The following ZNF723 variants were observed in gnomAD, a reference collection of about 807,000 sequenced individuals.
ZNF723 encodes zinc finger protein 723, pseudogene.
Under a neutral mutation model 9.4 loss-of-function variants are expected in ZNF723, and 5 were observed. That is an observed-to-expected ratio of 0.53 (90% confidence interval 0.28 to 1.12). The LOEUF is 1.12. Ranked by LOEUF, ZNF723 falls within the 50% of genes most tolerant of loss-of-function variation. The pLI is 0.10. For missense variants in ZNF723, 450 were observed against 501.5 expected (o/e 0.90, Z 0.98); for synonymous variants, 158 against 168.8 (o/e 0.94, Z 0.49).
the ZNF723 span, among the ~76,000 whole-genome samples, chr19:22,814,626 C>A: frequency 1.3e-5 from 2 of 152,162 alleles, no homozygotes; most frequent in African/African-American, 2.4e-5. Context: ...TAATTAGACA[C>A]AACATACAGC....
At chr19:22,845,889 C>CTTTT (rs1214348571) in intron 1 of ZNF723, among the ~76,000 whole-genome samples, 32 of 124,392 alleles carry the variant, frequency 2.6e-4, no homozygotes, top group African/African-American at 9.6e-4. Context: ...AAAAATATGC[C>CTTTT]TTTTTTTTTT....
the ZNF723 span, among the ~76,000 whole-genome samples, chr19:22,817,536 A>G: frequency 6.6e-6 from 1 of 152,074 alleles, no homozygotes; most frequent in Admixed American, 6.5e-5. Context: ...GAGCACTGTG[A>G]CATATTGCTG....
the ZNF723 span, among the ~76,000 whole-genome samples, chr19:22,816,537 G>T: frequency 2.0e-5 from 3 of 152,174 alleles, no homozygotes; most frequent in African/African-American, 7.2e-5. Flanking sequence ...AAACCAAGAA[G>T]TGCAGGATTG....
At chr19:22,815,153 C>T in the ZNF723 span, among the ~76,000 whole-genome samples, 22 of 151,970 alleles carry the variant, frequency 1.4e-4, no homozygotes, top group Non-Finnish European at 3.1e-4. Flanking sequence ...CTAGGTTATG[C>T]TACTTTTCTG....
At chr19:22,849,858 G>A (rs1277624369) in intron 3 of ZNF723, among the ~76,000 whole-genome samples, 3 of 152,036 alleles carry the variant, frequency 2.0e-5, no homozygotes, top group Admixed American at 6.6e-5. Flanking sequence ...CCTTAATTCT[G>A]ATGTCGTGCC....
intron 1 of ZNF723, chr19:22,840,854 C>T (rs1188274024): frequency 6.6e-6 from 1 of 152,198 alleles, no homozygotes; most frequent in African/African-American, 2.4e-5. Flanking sequence ...AACACTGCTC[C>T]CATTCCCATT....
chr19:22,840,351 A>T (rs533334049), intron 1 of ZNF723: 8 of 132,072 alleles, frequency 6.1e-5, no homozygotes, highest in African/African-American at 2.3e-4. Context: ...TTGTATTTTT[A>T]GTATAGGCAG....
At chr19:22,834,636 T>G (rs1322838835) in intron 1 of ZNF723, among the ~76,000 whole-genome samples, 1 of 152,086 alleles carries the variant, frequency 6.6e-6, no homozygotes, top group African/African-American at 2.4e-5. Context: ...AGGGAGGAAG[T>G]TGATGCCCTG....
rs1599482823 is a variant in ZNF723 at position 22,857,962 on chromosome 19, T to C, written c.1071T>C (p.Thr357=). ...CATTCAGCCAGTCCTCACACATTACTACACATAAGAGAATTCACACTGGAG... is the reference window on the plus strand; with the variant it reads ...CATTCAGCCAGTCCTCACACATTACCACACATAAGAGAATTCACACTGGAG... ...GKAFSQSSHI[T]THKRIHTGEK... is the part of the protein sequence containing the mutation. Residue 357 remains threonine (T), a synonymous_variant, in exon 4 of 4, where the codon ACT becomes ACC. Transcript: ENST00000600766. 19 of 1,528,924 alleles carry C rather than the reference T, an allele frequency of 1.2e-5. No individual in the cohort carries two copies. The East Asian group carries it at 4.3e-4, about 34-fold the overall frequency. The allele number at this position is 1,528,924 out of a possible 1,614,324, so 94.7% of individuals were successfully genotyped here.
upstream of ZNF723, among the ~76,000 whole-genome samples, chr19:22,828,310 T>C (rs532518477): frequency 6.6e-5 from 10 of 152,248 alleles, no homozygotes; most frequent in Admixed American, 3.9e-4. Context: ...GCCTAGAGTT[T>C]TGGTCACACT....
At chr19:22,829,943 T>C (rs1361789150), upstream of ZNF723, among the ~76,000 whole-genome samples, 1 of 152,222 alleles carries the variant, frequency 6.6e-6, no homozygotes, top group Non-Finnish European at 1.5e-5. Context: ...CATGTAGCTA[T>C]GCTGGAGTAT....
At chr19:22,855,322 G>A (rs755864785) in intron 3 of ZNF723, among the ~76,000 whole-genome samples, 2 of 149,656 alleles carry the variant, frequency 1.3e-5, no homozygotes, top group African/African-American at 2.5e-5. Context: ...TCCACCTCCC[G>A]GGTTCAAGTG....
rs34691832 is a variant in ZNF723 at position 22,839,466 on chromosome 19, GTTTT to G, written c.3+7099_3+7102del. On this transcript the variant is annotated intron_variant, in intron 1 of 3. Coordinates refer to ENST00000600766, the MANE Select transcript of ZNF723 (RefSeq NM_001349726.2). ...AACCTTGCCAGCATGTTTTTTTTTG[GTTTT>G]TTTTTTTTTTTTTTGAGACAGAGTC... is the stretch of plus-strand genomic sequence containing the variant. Among the ~76,000 whole-genome samples, 5 of 124,532 alleles carry G rather than the reference GTTTT, an allele frequency of 4.0e-5. No individual in the cohort carries two copies. The East Asian group carries it at 6.9e-4, about 17-fold the overall frequency. The allele number at this position is 124,532 out of a possible 152,430, so 81.7% of individuals were successfully genotyped here. A position where few individuals can be genotyped will look rare whatever the true frequency, so the allele number is the denominator to read the frequency against.
intron 1 of ZNF723, among the ~76,000 whole-genome samples, chr19:22,842,680 T>C (rs1387522761): frequency 6.6e-6 from 1 of 152,208 alleles, no homozygotes; most frequent in Non-Finnish European, 1.5e-5. Flanking sequence ...TCTTTCAGAA[T>C]GTGCTAAAGC....
Position 22,857,837 on chromosome 19 carries a change from G to T in ZNF723, c.946G>T (p.Glu316Ter). 1 of 1,399,484 alleles carries T rather than the reference G, an allele frequency of 7.1e-7. No individual in the cohort carries two copies. The highest frequency in any genetic ancestry group is 2.3e-5 in the East Asian group (1 of 43,778). 86.7% of individuals were successfully genotyped at this position (1,399,484 alleles called of 1,614,324 possible). A position where few individuals can be genotyped will look rare whatever the true frequency, so the allele number is the denominator to read the frequency against. Residue 316 changes from glutamate (E) to a stop codon, truncating the protein, a stop_gained, in exon 4 of 4, where the codon GAA (glutamate) becomes TAA (stop). Coordinates refer to ENST00000600766, the MANE Select transcript of ZNF723 (RefSeq NM_001349726.2). LOFTEE classifies it low-confidence loss of function (END_TRUNC). ...IHTGEKPYKC[E>*]ECGKAFNQPS... ...TACTGGAGAGAAACCCTACAAATGTGAAGAATGTGGCAAAGCCTTTAACCA... is the reference window on the plus strand; with the variant it reads ...TACTGGAGAGAAACCCTACAAATGTTAAGAATGTGGCAAAGCCTTTAACCA...
intron 1 of ZNF723, among the ~76,000 whole-genome samples, chr19:22,833,725 T>C (rs1285811315): frequency 4.0e-5 from 6 of 151,766 alleles, no homozygotes; most frequent in African/African-American, 1.5e-4. Context: ...TTCTCCTGCC[T>C]CAGCCTCCCG....
chr19:22,817,446 T>G, the ZNF723 span, among the ~76,000 whole-genome samples: 1 of 152,134 alleles, frequency 6.6e-6, no homozygotes, highest in Non-Finnish European at 1.5e-5. Context: ...GCTTGCACTC[T>G]TTCTATAGAA....
Position 22,857,898 on chromosome 19 carries a change from C to T in ZNF723, c.1007C>T (p.Thr336Ile). ...CTTGCTACACATAAGAGAATTCATA[C>T]TGGAGAGAAACTCTACAAATGTGAA... ...SHLATHKRIH[T>I]GEKLYKCEEC... The change falls in exon 4 of 4, where the codon ACT becomes ATT. Residue 336 changes from threonine to isoleucine, a missense_variant. By Grantham distance (89) the Thr-to-Ile change is moderately conservative. This residue lies in a region of ZNF723 where 237 missense variants were observed against 332.2 expected (regional missense o/e 0.71). Coordinates refer to ENST00000600766, the MANE Select transcript of ZNF723 (RefSeq NM_001349726.2). 2 of 1,433,812 alleles carry T rather than the reference C, an allele frequency of 1.4e-6. No homozygotes were observed. The highest frequency in any genetic ancestry group is 2.3e-5 in the South Asian group (2 of 87,276). 88.8% of individuals were successfully genotyped at this position (1,433,812 alleles called of 1,614,324 possible).
intron 3 of ZNF723, among the ~76,000 whole-genome samples, chr19:22,854,859 C>T (rs892113089): frequency 3.9e-5 from 6 of 152,038 alleles, no homozygotes; most frequent in Non-Finnish European, 7.4e-5. Context: ...TCCAGCCTGA[C>T]CAACATGGAG....
Sources: gnomAD v4.1 joint callset for allele counts (sites outside exome capture counted in the v4.1 genomes callset) on GRCh38, gnomAD v4.1.1 for gene constraint, gnomAD v4.1.1 regional missense constraint, MANE v1.5 for transcripts, NCBI Gene and HGNC (gene_info 2026-07-23, HGNC 2026-07-21) for gene names.